TAF8: variants seen among roughly 807,000 people sequenced by gnomAD.
TAF8 encodes transcription initiation factor TFIID subunit 8.
In TAF8, 47 loss-of-function variants were observed where a neutral mutation model predicts 36.5. The ratio of observed to expected loss-of-function variants is 1.29; its 90% CI spans 1.02 to 1.64. The LOEUF is 1.64. Ranked by LOEUF, TAF8 falls within the 40% of genes most tolerant of loss-of-function variation. TAF8 has a pLI of 0.00. For synonymous variants in TAF8, 175 were observed against 159.5 expected (o/e 1.10, Z -0.73); for missense variants, 420 against 407.6 (o/e 1.03, Z -0.26).
At chr6:42,071,100 A>G (rs1466008752) in intron 7 of TAF8, among the ~76,000 whole-genome samples, 2 of 152,140 alleles carry the variant, frequency 1.3e-5, no homozygotes, top group Admixed American at 6.5e-5. Flanking sequence ...GAATGCCCTT[A>G]AGGCTAATAG....
At chr6:42,086,040 G>A (rs2492935), downstream of TAF8, among the ~76,000 whole-genome samples, 57,723 of 149,692 alleles carry the variant, frequency 0.39, 14,163 homozygotes, top group African/African-American at 0.71. Flanking sequence ...ACAGTGAGGA[G>A]ACACTATCTG....
Position 42,080,367 on chromosome 6 carries a change from T to C in TAF8, c.*2822T>C. 2.2e-6 allele frequency: 2 copies of C among 905,846 alleles called. No individual in the cohort carries two copies. Among genetic ancestry groups the C allele is most frequent in the Non-Finnish European group, 2.5e-6 (2 of 797,214 alleles). The allele number at this position is 905,846 out of a possible 1,614,324, so 56.1% of individuals were successfully genotyped here. A position where few individuals can be genotyped will look rare whatever the true frequency, so the allele number is the denominator to read the frequency against. ...TTTCAGAGGCTATACTCTTTTTTTT[T>C]CTTTTCTTTTTTTTTTTTTTTTGAG... On this transcript the variant is annotated 3_prime_UTR_variant, in exon 9 of 9. Coordinates refer to ENST00000372977, the MANE Select transcript of TAF8 (RefSeq NM_138572.3).
chr6:42,067,516 A>G (rs1055958012), intron 6 of TAF8, among the ~76,000 whole-genome samples: 2 of 147,852 alleles, frequency 1.4e-5, no homozygotes, highest in African/African-American at 2.5e-5. Flanking sequence ...CACCCAGCCA[A>G]TTCTAGAGTA....
At chr6:42,055,773 C>T in intron 3 of TAF8, 144 bp downstream of exon 3, 1 of 779,928 alleles carries the variant, frequency 1.3e-6, no homozygotes, top group Middle Eastern at 2.6e-4. Context: ...AGAGAGATTC[C>T]TCTGAACACA....
intron 4 of TAF8, 132 bp downstream of exon 4, chr6:42,056,146 C>T (rs1768553805): frequency 3.1e-6 from 2 of 652,998 alleles, no homozygotes. Flanking sequence ...TTTGGGGCTA[C>T]CTACAATATA....
At chr6:42,064,306 G>T (rs1308454542) in intron 5 of TAF8, among the ~76,000 whole-genome samples, 1 of 152,118 alleles carries the variant, frequency 6.6e-6, no homozygotes, top group Non-Finnish European at 1.5e-5. Context: ...AGGCTGGAGT[G>T]CAGTGGTGTG....
At chr6:42,064,771 C>T (rs1294912652) in intron 5 of TAF8, among the ~76,000 whole-genome samples, 3 of 150,564 alleles carry the variant, frequency 2.0e-5, no homozygotes, top group African/African-American at 7.3e-5. Context: ...TCCTGGCAAA[C>T]ACAGTGAAAC....
At chr6:42,062,268 A>G (rs999090826) in intron 5 of TAF8, among the ~76,000 whole-genome samples, 4 of 152,186 alleles carry the variant, frequency 2.6e-5, no homozygotes, top group Non-Finnish European at 4.4e-5. Flanking sequence ...AACTTTTTAG[A>G]ACCCTTTACA....
intron 7 of TAF8, among the ~76,000 whole-genome samples, chr6:42,075,697 A>G (rs1224321568): frequency 6.6e-6 from 1 of 152,138 alleles, no homozygotes; most frequent in African/African-American, 2.4e-5. Flanking sequence ...TTGGCCCATC[A>G]CCAGGGGGCG....
chr6:42,083,646 G>A (rs1253886091), downstream of TAF8, among the ~76,000 whole-genome samples: 1 of 152,168 alleles, frequency 6.6e-6, no homozygotes, highest in East Asian at 1.9e-4. Flanking sequence ...CTGGAACCAG[G>A]AACATAGTCA....
rs555405142 is a variant in TAF8 at position 42,078,138 on chromosome 6, C to T, written c.*593C>T. 4 of 898,656 alleles carry T rather than the reference C, an allele frequency of 4.5e-6. No homozygotes were observed. In the South Asian group the frequency reaches 1.5e-4, roughly 34 times the overall value. 55.7% of individuals were successfully genotyped at this position (898,656 alleles called of 1,614,324 possible). ...ACTCCTGACCTCAAGTGATAACCCGCCTCGGCCTCCCAAAGTGCTGAGATT... is the reference window on the plus strand; with the variant it reads ...ACTCCTGACCTCAAGTGATAACCCGTCTCGGCCTCCCAAAGTGCTGAGATT... On this transcript the variant is annotated 3_prime_UTR_variant, in exon 9 of 9. Transcript: ENST00000372977.
chr6:42,078,878 T>TG lies in TAF8; in HGVS notation c.*1333_*1334insG. On this transcript the variant is annotated 3_prime_UTR_variant, in exon 9 of 9. Transcript: ENST00000372977. ...GGCTCACGCCTGTAATCCCAGCACT[T>TG]CGGGAGGCGAAGGCAGGTGGATCAC... 2 of 981,468 alleles carry TG rather than the reference T, an allele frequency of 2.0e-6. No individual in the cohort carries two copies. Among genetic ancestry groups the TG allele is most frequent in the Non-Finnish European group, 2.4e-6 (2 of 826,370 alleles). The allele number at this position is 981,468 out of a possible 1,614,324, so 60.8% of individuals were successfully genotyped here. A position where few individuals can be genotyped will look rare whatever the true frequency, so the allele number is the denominator to read the frequency against.
At chr6:42,067,149 G>A (rs531668591) in intron 6 of TAF8, among the ~76,000 whole-genome samples, 3 of 152,318 alleles carry the variant, frequency 2.0e-5, no homozygotes, top group South Asian at 4.1e-4. Context: ...AACATGGCTA[G>A]TAGACATCAT....
Position 42,066,443 on chromosome 6 carries a change from C to T in TAF8, c.621C>T (p.Asp207=), listed in dbSNP as rs768530081. 27 of 1,614,046 alleles carry T rather than the reference C, an allele frequency of 1.7e-5. No homozygotes were observed. The highest frequency in any genetic ancestry group is 1.2e-4 in the Admixed American group (7 of 60,000). Reference sequence around the variant, plus strand: ...AGACTCAGAGTCTTTTCAAAGATGACGTCAGCACATTTCCATGTGAGAGTT... The same window carrying T: ...AGACTCAGAGTCTTTTCAAAGATGATGTCAGCACATTTCCATGTGAGAGTT... The part of the protein sequence containing the change: ...TGETQSLFKD[D]VSTFPLIAAR... Residue 207 remains aspartate, a synonymous_variant, in exon 6 of 9, where the codon GAC becomes GAT. Transcript: ENST00000372977.
chr6:42,076,256 G>C (rs1043845755), intron 7 of TAF8, among the ~76,000 whole-genome samples: 6 of 149,794 alleles, frequency 4.0e-5, no homozygotes, highest in African/African-American at 1.5e-4. Flanking sequence ...TTCGAGACTA[G>C]CCTGGCCAAC....
In TAF8 at chr6:42,078,777, C is replaced by T. The variant is rs188452704; in HGVS notation, c.*1232C>T. The T allele has an allele frequency of 7.3e-5, 72 of 985,440 alleles. No individual in the cohort carries two copies. In the East Asian group the frequency reaches 4.8e-3, roughly 65 times the overall value. The allele number at this position is 985,440 out of a possible 1,614,324, so 61.0% of individuals were successfully genotyped here. ...GGTTTTCTCTGACAAGAGCCTAGAG[C>T]GTCGGCTCTATTATGCTGGGACTTG... On this transcript the variant is annotated 3_prime_UTR_variant, in exon 9 of 9. Coordinates refer to ENST00000372977, the MANE Select transcript of TAF8 (RefSeq NM_138572.3).
In TAF8 at chr6:42,055,547, G is replaced by A. The variant is rs1165953343; in HGVS notation, c.219G>A (p.Gly73=). The stretch of plus-strand genomic sequence containing the variant: ...CCCTCTTAGACATTTCAGAAATTGG[G>A]AGAAGTGCCAAGTCTTACTGTGAGC... The part of the protein sequence containing the change: ...EMLQSYISEI[G]RSAKSYCEHT... Residue 73 remains glycine (G), a synonymous_variant, in exon 3 of 9, where the codon GGG becomes GGA. Coordinates refer to ENST00000372977, the MANE Select transcript of TAF8 (RefSeq NM_138572.3). 1 of 1,613,968 alleles carries A rather than the reference G, an allele frequency of 6.2e-7. No homozygotes were observed.
intron 1 of TAF8, 65 bp downstream of exon 1, chr6:42,050,651 C>T: frequency 6.7e-7 from 1 of 1,491,904 alleles, no homozygotes; most frequent in Non-Finnish European, 9.0e-7. Flanking sequence ...TTCCCCTCGA[C>T]TGAGCAACAA....
Position 42,051,343 on chromosome 6 carries a change from C to T in TAF8, c.46-14C>T. On this transcript the variant is annotated splice_polypyrimidine_tract_variant and intron_variant, in intron 1 of 8. Transcript: ENST00000372977. ...CCTTCTCCTGTGGATGAAAATCTCT[C>T]TGCTGATTCACAGAGATCGGGAAGT... 1.2e-6 allele frequency: 2 copies of T among 1,605,542 alleles called. No homozygotes were observed. The highest frequency in any genetic ancestry group is 8.5e-7 in the Non-Finnish European group (1 of 1,173,016).
Sources: gnomAD v4.1 joint callset for allele counts (sites outside exome capture counted in the v4.1 genomes callset) on GRCh38, gnomAD v4.1.1 for gene constraint, MANE v1.5 for transcripts, NCBI Gene and HGNC (gene_info 2026-07-23, HGNC 2026-07-21) for gene names.